ADCY4: variants seen among roughly 807,000 people sequenced by gnomAD.
ADCY4 encodes the protein adenylate cyclase type 4.
A neutral mutation model predicts 125.5 loss-of-function variants in ADCY4; 111 were observed. The observed-to-expected ratio is 0.88, with a 90% confidence interval of 0.76 to 1.04. The LOEUF (loss-of-function observed/expected upper bound fraction) is 1.04. ADCY4 is among the 50% of genes least tolerant of loss of function. ADCY4 has a pLI of 0.00. For missense variants in ADCY4, 1,256 were observed against 1,382.9 expected (o/e 0.91, Z 1.46); for synonymous variants, 576 against 586.9 (o/e 0.98, Z 0.27).
In ADCY4 at chr14:24,325,821, T is replaced by C; in HGVS notation, c.1722A>G (p.Lys574=). The C allele has an allele frequency of 1.3e-6, 2 of 1,595,610 alleles. No homozygotes were observed. Among genetic ancestry groups the C allele is most frequent in the Non-Finnish European group, 1.7e-6 (2 of 1,168,988 alleles). The change falls in exon 13 of 25, where the codon AAA becomes AAG. Residue 574 remains lysine (K), a synonymous_variant. Transcript: ENST00000418030. ...TGCCACCCACACCACAGCCCACCTC[T>C]TTCTCCATCTCCTTCTCTCTGAAGT... is the stretch of plus-strand genomic sequence containing the variant. ...TLYFREKEME[K]EYRLSAIPAF... is the part of the protein sequence containing the mutation.
chr14:24,326,007 G>T, intron 12 of ADCY4, 72 bp downstream of exon 12: 1 of 1,539,264 alleles, frequency 6.5e-7, no homozygotes. Context: ...CAGCCCCTCA[G>T]GGAGCACCAT....
At chr14:24,325,689 G>T in intron 13 of ADCY4, 129 bp downstream of exon 13, 1 of 1,136,414 alleles carries the variant, frequency 8.8e-7, no homozygotes, top group Non-Finnish European at 1.3e-6. Flanking sequence ...TTAGAGAGAG[G>T]CACAAGCTCC....
At position 24,334,918 on chromosome 14, in the gene ADCY4, C is replaced by A. The variant is rs1413475445; in HGVS notation, c.-266G>T. On this transcript the variant is annotated 5_prime_UTR_variant, in exon 1 of 25. Coordinates refer to ENST00000418030, the MANE Select transcript of ADCY4 (RefSeq NM_001198568.2). The stretch of plus-strand genomic sequence containing the variant: ...TAGAGGTGCCCTAGAAAAGCCTCAT[C>A]GCCAGGAGGGCAGGATTTGGGGTTG... The A allele has an allele frequency of 5.6e-5, 22 of 395,080 alleles. No individual in the cohort carries two copies. The East Asian group carries it at 9.1e-4, about 16-fold the overall frequency. 24.5% of individuals were successfully genotyped at this position (395,080 alleles called of 1,614,324 possible).
chr14:24,324,889 A>G (rs1266471467), intron 14 of ADCY4, among the ~76,000 whole-genome samples: 15 of 151,962 alleles, frequency 9.9e-5, no homozygotes, highest in Admixed American at 9.8e-4. Context: ...TTTTTAGTAG[A>G]GATGGGGTTT....
chr14:24,318,719 T>C lies in ADCY4; in HGVS notation c.3016A>G (p.Ile1006Val). 6.2e-7 allele frequency: 1 copy of C among 1,614,146 alleles called. No individual in the cohort carries two copies. The highest frequency in any genetic ancestry group is 8.5e-7 in the Non-Finnish European group (1 of 1,180,020). The change falls in exon 24 of 25, where the codon ATT becomes GTT. Residue 1006 changes from isoleucine to valine, a missense_variant. Coordinates refer to ENST00000418030, the MANE Select transcript of ADCY4 (RefSeq NM_001198568.2). Reference protein sequence around the residue: ...VIGAQKPQYDIWGNTVNVASR... With the variant: ...VIGAQKPQYDVWGNTVNVASR... ...GCCACGTTCACTGTGTTGCCCCAAA[T>C]GTCATATTGCGGCTTCTGGGCCCCA... is the stretch of plus-strand genomic sequence containing the variant.
At position 24,319,765 on chromosome 14, in the gene ADCY4, C is replaced by T. The variant is rs963552741; in HGVS notation, c.2710G>A (p.Glu904Lys). ...EGLECLRLLN[E>K]IIADFDELLS... is the part of the protein sequence containing the mutation. ...ACCTCATCAAAATCAGCAATTATCT[C>T]ATTGAGCAGCCTCAGACACTCTAGG... Residue 904 changes from glutamate to lysine, a missense_variant, in exon 21 of 25, where the codon GAG (glutamate) becomes AAG (lysine). Physicochemically the swap from Glu to Lys is moderately conservative, Grantham distance 56. Coordinates refer to ENST00000418030, the MANE Select transcript of ADCY4 (RefSeq NM_001198568.2). The surrounding 1 kb of genome is among the most constrained non-coding windows in gnomAD (Gnocchi z 4.5). The T allele has an allele frequency of 1.1e-5, 18 of 1,614,050 alleles. No homozygotes were observed. The highest frequency in any genetic ancestry group is 2.2e-5 in the East Asian group (1 of 44,896).
Position 24,324,405 on chromosome 14 carries a change from A to G in ADCY4, c.1824-14T>C. ...AGAGCTGGGGGCCTGAAGGGAGACA[A>G]AAGCGAGGCCTTGAAGTGCCAGAAC... On this transcript the variant is annotated splice_polypyrimidine_tract_variant and intron_variant, in intron 14 of 24. Transcript: ENST00000418030. 1.2e-6 allele frequency: 2 copies of G among 1,606,702 alleles called. No homozygotes were observed. The highest frequency in any genetic ancestry group is 1.7e-6 in the Non-Finnish European group (2 of 1,173,226).
In ADCY4 at chr14:24,332,946, C is replaced by G; in HGVS notation, c.202G>C (p.Ala68Pro). 6.3e-7 allele frequency: 1 copy of G among 1,589,634 alleles called. No homozygotes were observed. The highest frequency in any genetic ancestry group is 8.6e-7 in the Non-Finnish European group (1 of 1,166,300). ...AGCAGCAGCGAGAAGCCGCCCAGCGCGCACAGCACAGTGGTCAGGAAGCTC... is the reference window on the plus strand; with the variant it reads ...AGCAGCAGCGAGAAGCCGCCCAGCGGGCACAGCACAGTGGTCAGGAAGCTC... The part of the protein sequence containing the change: ...DPSFLTTVLC[A>P]LGGFSLLLGL... The change falls in exon 2 of 25, where the codon GCG becomes CCG. Residue 68 changes from alanine to proline, a missense_variant. Transcript: ENST00000418030.
Position 24,331,137 on chromosome 14 carries a change from G to A in ADCY4, c.819-8C>T. On this transcript the variant is annotated splice_polypyrimidine_tract_variant and splice_region_variant and intron_variant, in intron 5 of 24. Coordinates refer to ENST00000418030, the MANE Select transcript of ADCY4 (RefSeq NM_001198568.2). ...ATGTCAGCATACAGCACGCTGCATA[G>A]GGCAGACTGTGTCAGCAGGGCCAGG... 1 of 1,613,152 alleles carries A rather than the reference G, an allele frequency of 6.2e-7. No individual in the cohort carries two copies. Among genetic ancestry groups the A allele is most frequent in the Non-Finnish European group, 8.5e-7 (1 of 1,179,204 alleles).
At position 24,331,254 on chromosome 14, in the gene ADCY4, T is replaced by G. The variant is rs1323741974; in HGVS notation, c.772A>C (p.Thr258Pro). ...ACATAGAGGCTGTGGAAATTGTTAG[T>G]GCTCTCTGGCCGTGACCCCTGTCCT... is the stretch of plus-strand genomic sequence containing the variant. ...QAGQGSRPES[T>P]NNFHSLYVKR... The change falls in exon 5 of 25, where the codon ACT (threonine) becomes CCT (proline). Residue 258 changes from threonine to proline, a missense_variant. Physicochemically the swap from Thr to Pro is conservative, Grantham distance 38. Transcript: ENST00000418030. 1.2e-6 allele frequency: 2 copies of G among 1,614,182 alleles called. No individual in the cohort carries two copies. Among genetic ancestry groups the G allele is most frequent in the East Asian group, 4.5e-5 (2 of 44,882 alleles).
At position 24,331,098 on chromosome 14, in the gene ADCY4, G is replaced by C. The variant is rs201473774; in HGVS notation, c.850C>G (p.Arg284Gly). The change falls in exon 6 of 25, where the codon CGG (arginine) becomes GGG (glycine). Residue 284 changes from arginine (R) to glycine (G), a missense_variant. Arg to Gly is a moderately radical substitution (Grantham distance 125, BLOSUM62 -2). Transcript: ENST00000418030. ...VLYADIVGFT[R>G]LASECSPKEL... ...TTAGGGGAACACTCGCTGGCCAGCCGCGTGAAGCCCACGATGTCAGCATAC... is the reference window on the plus strand; with the variant it reads ...TTAGGGGAACACTCGCTGGCCAGCCCCGTGAAGCCCACGATGTCAGCATAC... 6.2e-7 allele frequency: 1 copy of C among 1,613,438 alleles called. No homozygotes were observed. Among genetic ancestry groups the C allele is most frequent in the African/African-American group, 1.3e-5 (1 of 74,908 alleles).
In ADCY4 at chr14:24,322,208, C is replaced by A. The variant is rs765430592; in HGVS notation, c.2444G>T (p.Arg815Leu). The stretch of plus-strand genomic sequence containing the variant: ...CTTCTTCTTCCACAGGAAGTCCAGG[C>A]GGCAGTAGTACTCATTCTGGGGAGG... ...VLARQNEYYC[R>L]LDFLWKKKLR... The change falls in exon 20 of 25, where the codon CGC becomes CTC. Residue 815 changes from arginine to leucine, a missense_variant. By Grantham distance (102) the Arg-to-Leu change is moderately radical (BLOSUM62 -2). Coordinates refer to ENST00000418030, the MANE Select transcript of ADCY4 (RefSeq NM_001198568.2). 4 of 1,613,578 alleles carry A rather than the reference C, an allele frequency of 2.5e-6. No individual in the cohort carries two copies. In the East Asian group the frequency reaches 8.9e-5, roughly 36 times the overall value.
chr14:24,329,316 A>G, intron 9 of ADCY4, 82 bp from the exon 10 acceptor site: 1 of 1,576,352 alleles, frequency 6.3e-7, no homozygotes, highest in Non-Finnish European at 8.6e-7. Context: ...CCAGGAACTC[A>G]ATCTCTGGCA....
intron 19 of ADCY4, 172 bp from the exon 20 acceptor site, chr14:24,322,396 T>A: frequency 1.1e-6 from 1 of 885,238 alleles, no homozygotes; most frequent in Non-Finnish European, 1.7e-6. Flanking sequence ...GAAATTAGAT[T>A]CAGACTAGGG....
In ADCY4 at chr14:24,331,816, C is replaced by A. The variant is rs772940512; in HGVS notation, c.641G>T (p.Arg214Leu). 4 of 1,593,930 alleles carry A rather than the reference C, an allele frequency of 2.5e-6. No homozygotes were observed. The highest frequency in any genetic ancestry group is 1.7e-5 in the Admixed American group (1 of 58,866). ...REALSSLHSRRRLDTEKKHQE... is the reference protein window; with the variant it reads ...REALSSLHSRLRLDTEKKHQE... The stretch of plus-strand genomic sequence containing the variant: ...GTGCTTCTTCTCGGTGTCCAGCCGC[C>A]GGCGTGAGTGCAGGGAGCTGAGTGC... Residue 214 changes from arginine to leucine, a missense_variant, in exon 4 of 25, where the codon CGG becomes CTG. By Grantham distance (102) the Arg-to-Leu change is moderately radical. Coordinates refer to ENST00000418030, the MANE Select transcript of ADCY4 (RefSeq NM_001198568.2).
intron 8 of ADCY4, 94 bp downstream of exon 8, chr14:24,329,766 C>A: frequency 6.5e-7 from 1 of 1,534,810 alleles, no homozygotes; most frequent in Non-Finnish European, 8.8e-7. Flanking sequence ...AGGTACTCAT[C>A]TTGTGCTTAT....
chr14:24,333,548 A>G (rs1012245667), intron 1 of ADCY4, among the ~76,000 whole-genome samples: 11 of 152,140 alleles, frequency 7.2e-5, no homozygotes, highest in African/African-American at 2.4e-4. Context: ...CCAACCTATT[A>G]TCTTGCTGGG....
chr14:24,331,789 T>TG lies in ADCY4; in HGVS notation c.667dup (p.Gln223ProfsTer37). ...CTGACCTTCCTAGGCCCGGCTGACCTGGTGCTTCTTCTCGGTGTCCAGCCG... is the reference window on the plus strand; with the variant it reads ...CTGACCTTCCTAGGCCCGGCTGACCTGGGTGCTTCTTCTCGGTGTCCAGCCG... On this transcript the variant is annotated frameshift_variant and splice_region_variant, in exon 4 of 25. Coordinates refer to ENST00000418030, the MANE Select transcript of ADCY4 (RefSeq NM_001198568.2). LOFTEE classifies it high-confidence loss of function. 1.9e-6 allele frequency: 3 copies of TG among 1,579,526 alleles called. No homozygotes were observed. Among genetic ancestry groups the TG allele is most frequent in the Non-Finnish European group, 2.6e-6 (3 of 1,156,792 alleles).
In ADCY4 at chr14:24,326,188, A is replaced by G. The variant is rs755202393; in HGVS notation, c.1569-23T>C. The G allele has an allele frequency of 2.9e-5, 47 of 1,608,250 alleles. No homozygotes were observed. The Admixed American group carries it at 6.9e-4, about 23-fold the overall frequency. On this transcript the variant is annotated intron_variant, in intron 11 of 24. Coordinates refer to ENST00000418030, the MANE Select transcript of ADCY4 (RefSeq NM_001198568.2). ...CTCCTGCACAGTGAGAGCCAAGTCC[A>G]TCACCACAGAGACCCTCAGAGCGTC...
Sources: allele counts gnomAD v4.1 joint callset (sites outside exome capture counted in the v4.1 genomes callset), GRCh38; gene constraint gnomAD v4.1.1; non-coding constraint Gnocchi (gnomAD v3.1); transcripts MANE v1.5; gene names NCBI Gene and HGNC (gene_info 2026-07-23, HGNC 2026-07-21).